Variants in TREML4 observed in about 807,000 individuals in gnomAD.
The protein encoded by TREML4 is trem-like transcript 4 protein.
In TREML4, 25 loss-of-function variants were observed where a neutral mutation model predicts 25.4. That is an observed-to-expected ratio of 0.98 (90% CI 0.72 to 1.37). TREML4 has a LOEUF of 1.37. TREML4 is among the 40% of genes most tolerant of loss of function. The pLI is 0.00. For synonymous variants in TREML4, 92 were observed against 87.9 expected (o/e 1.05, Z -0.26); for missense variants, 268 against 236.5 (o/e 1.13, Z -0.87).
chr6:41,233,407 T>C (rs903874400), intron 4 of TREML4, among the ~76,000 whole-genome samples: 8 of 152,176 alleles, frequency 5.3e-5, no homozygotes, highest in South Asian at 2.1e-4. Context: ...TATATTTGAC[T>C]ATTAGGAAAC....
chr6:41,229,931 T>C, intron 3 of TREML4, 131 bp from the exon 4 acceptor site: 2 of 768,750 alleles, frequency 2.6e-6, no homozygotes, highest in Non-Finnish European at 4.6e-6. Flanking sequence ...AGGCCTCAGT[T>C]ACCCTTAGCC....
intron 4 of TREML4, among the ~76,000 whole-genome samples, chr6:41,234,987 C>A (rs1250679566): frequency 6.6e-6 from 1 of 151,944 alleles, no homozygotes; most frequent in Non-Finnish European, 1.5e-5. Flanking sequence ...CATTAGCTAA[C>A]TGAATTCAAG....
intron 4 of TREML4, among the ~76,000 whole-genome samples, chr6:41,233,225 T>A (rs1766835091): frequency 6.6e-6 from 1 of 151,358 alleles, no homozygotes; most frequent in Admixed American, 6.6e-5. Context: ...ATGGAAAAAA[T>A]GAAATAAAAA....
In TREML4 at chr6:41,228,905, C is replaced by G. The variant is rs1238791758; in HGVS notation, c.255C>G (p.Asp85Glu). 5 of 1,614,066 alleles carry G rather than the reference C, an allele frequency of 3.1e-6. No homozygotes were observed. The Admixed American group carries it at 5.0e-5, about 16-fold the overall frequency. ...AGAAGTCTCATTACACAATCTGGGA[C>G]AAGCCCAATGCTGGCTTCTTCAACA... is the stretch of plus-strand genomic sequence containing the variant. Reference protein sequence around the residue: ...AVQKSHYTIWDKPNAGFFNIT... With the variant: ...AVQKSHYTIWEKPNAGFFNIT... The change falls in exon 2 of 6, where the codon GAC (aspartate) becomes GAG (glutamate). Residue 85 changes from aspartate to glutamate, a missense_variant. Asp to Glu is a conservative substitution (Grantham distance 45). Transcript: ENST00000341495.
At chr6:41,236,412 C>G in intron 4 of TREML4, 74 bp from the exon 5 acceptor site, 1 of 1,339,944 alleles carries the variant, frequency 7.5e-7, no homozygotes, top group East Asian at 2.3e-5. Flanking sequence ...AGGGGCCTGC[C>G]TGGCTTAGGG....
At chr6:41,229,867 G>A (rs748360961) in intron 3 of TREML4, among the ~76,000 whole-genome samples, 195 bp from the exon 4 acceptor site, 20 of 152,228 alleles carry the variant, frequency 1.3e-4, no homozygotes, top group Admixed American at 2.0e-4. Flanking sequence ...CTGTCCTCCC[G>A]CCAGCATGGA....
At chr6:41,234,418 A>G (rs1310287435) in intron 4 of TREML4, among the ~76,000 whole-genome samples, 1 of 152,034 alleles carries the variant, frequency 6.6e-6, no homozygotes, top group Non-Finnish European at 1.5e-5. Context: ...GAGCAAACCC[A>G]AAGAATCATA....
At chr6:41,235,354 T>C (rs1467719452) in intron 4 of TREML4, among the ~76,000 whole-genome samples, 1 of 152,104 alleles carries the variant, frequency 6.6e-6, no homozygotes, top group Non-Finnish European at 1.5e-5. Context: ...GGAAAACAGG[T>C]TACATGAAAG....
rs1360448934 is a variant in TREML4 at position 41,228,972 on chromosome 6, T to C, written c.322T>C (p.Trp108Arg). ...GACACAGAATGACTCGGGATTCTAC[T>C]GGTGTGGAATCTACAACGCTTCCGA... ...QLTQNDSGFY[W>R]CGIYNASENI... Residue 108 changes from tryptophan to arginine, a missense_variant, in exon 2 of 6, where the codon TGG (tryptophan) becomes CGG (arginine). Trp to Arg is a moderately radical substitution (Grantham distance 101, BLOSUM62 -3). Transcript: ENST00000341495. 1.9e-6 allele frequency: 3 copies of C among 1,614,058 alleles called. No homozygotes were observed. Among genetic ancestry groups the C allele is most frequent in the Non-Finnish European group, 2.5e-6 (3 of 1,179,900 alleles).
rs1165198157 is a variant in TREML4, at chr6:41,237,897, G to A, written c.*878G>A. ...AGTTGAACTAACAATAAATGATGGT[G>A]GGTGAAAGATAAATGTTTTAGGGAA... On this transcript the variant is annotated 3_prime_UTR_variant, in exon 6 of 6. Transcript: ENST00000341495. 2.0e-5 allele frequency: 3 copies of A among 152,178 alleles called. No homozygotes were observed. Among genetic ancestry groups the A allele is most frequent in the Admixed American group, 6.5e-5 (1 of 15,292 alleles). The allele number at this position is 152,178 out of a possible 1,614,324, so 9.4% of individuals were successfully genotyped here.
At position 41,228,435 on chromosome 6, in the gene TREML4, G is replaced by A. The variant is rs777783989; in HGVS notation, c.8G>A (p.Trp3Ter). The A allele has an allele frequency of 1.2e-6, 2 of 1,611,494 alleles. No homozygotes were observed. The highest frequency in any genetic ancestry group is 8.5e-7 in the Non-Finnish European group (1 of 1,178,954). The change falls in exon 1 of 6, where the codon TGG becomes TAG. Residue 3 changes from tryptophan to a stop codon, truncating the protein, a stop_gained. Transcript: ENST00000341495. LOFTEE classifies it high-confidence loss of function. The stretch of plus-strand genomic sequence containing the variant: ...AAACAGATCTGGGCTGGAATGGCCT[G>A]GGGTGGGGTCCACACCTGCTGCTTC... The part of the protein sequence containing the change: MA[W>*]GGVHTCCFHL...
chr6:41,229,687 GC>G, intron 3 of TREML4, 116 bp downstream of exon 3: 2 of 1,145,544 alleles, frequency 1.7e-6, no homozygotes, highest in Non-Finnish European at 2.6e-6. Flanking sequence ...ATCTCTTGGG[GC>G]CTGGGCTTGT....
chr6:41,229,591 G>A lies in TREML4; in HGVS notation c.445+20G>A, dbSNP rs758996496. ...GCACAGGTAGGTTGGAGGCCTCGGT[G>A]GGGGAAGATTAGAAGGGTCACCAGG... On this transcript the variant is annotated intron_variant, in intron 3 of 5. Coordinates refer to ENST00000341495, the MANE Select transcript of TREML4 (RefSeq NM_198153.3). The A allele has an allele frequency of 6.2e-7, 1 of 1,613,318 alleles. No homozygotes were observed. The highest frequency in any genetic ancestry group is 8.5e-7 in the Non-Finnish European group (1 of 1,179,546).
chr6:41,234,034 A>G (rs1422786143), intron 4 of TREML4, among the ~76,000 whole-genome samples: 1 of 151,788 alleles, frequency 6.6e-6, no homozygotes, highest in East Asian at 1.9e-4. Context: ...AAAAACAGAT[A>G]GTATAGATTC....
intron 4 of TREML4, among the ~76,000 whole-genome samples, chr6:41,233,800 A>G (rs1057307957): frequency 1.7e-4 from 25 of 151,384 alleles, no homozygotes; most frequent in African/African-American, 5.8e-4. Context: ...TTAGGTATTT[A>G]TAATAATATA....
Position 41,236,567 on chromosome 6 carries a change from G to T in TREML4, c.588G>T (p.Lys196Asn). The change falls in exon 5 of 6, where the codon AAG becomes AAT. Residue 196 changes from lysine to asparagine, a missense_variant. Lys to Asn is a moderately conservative substitution (Grantham distance 94). Coordinates refer to ENST00000341495, the MANE Select transcript of TREML4 (RefSeq NM_198153.3). The part of the protein sequence containing the change: ...VLVLCGLLLA[K>N]GLML ...TGCTATGTGGACTCCTCCTGGCCAAGGGCCTGATGTTGTGAGTCCTGTTAG... is the reference window on the plus strand; with the variant it reads ...TGCTATGTGGACTCCTCCTGGCCAATGGCCTGATGTTGTGAGTCCTGTTAG... 6.2e-7 allele frequency: 1 copy of T among 1,614,006 alleles called. No homozygotes were observed. Among genetic ancestry groups the T allele is most frequent in the Non-Finnish European group, 8.5e-7 (1 of 1,179,882 alleles).
Position 41,228,752 on chromosome 6 carries a change from G to C in TREML4, c.102G>C (p.Gln34His). The C allele has an allele frequency of 6.2e-7, 1 of 1,614,060 alleles. No homozygotes were observed. Among genetic ancestry groups the C allele is most frequent in the Non-Finnish European group, 8.5e-7 (1 of 1,180,002 alleles). The part of the protein sequence containing the change: ...VPEELHKHPG[Q>H]TLLLQCQYSP... ...AAGAACTTCACAAACACCCAGGACA[G>C]ACCCTCCTCCTGCAATGCCAGTACT... Residue 34 changes from glutamine (Q) to histidine (H), a missense_variant, in exon 2 of 6, where the codon CAG (glutamine) becomes CAC (histidine). Transcript: ENST00000341495.
chr6:41,232,452 T>G (rs887814540), intron 4 of TREML4: 1 of 307,646 alleles, frequency 3.3e-6, no homozygotes. Flanking sequence ...TCCCCAACCT[T>G]TATGGCACCA....
intron 4 of TREML4, among the ~76,000 whole-genome samples, chr6:41,230,501 A>G (rs559586236): frequency 1.1e-4 from 17 of 152,274 alleles, no homozygotes; most frequent in Admixed American, 4.6e-4. Context: ...TGAGAGGCAT[A>G]CTGTTAAATT....
Sources: allele counts gnomAD v4.1 joint callset (sites outside exome capture counted in the v4.1 genomes callset), GRCh38; gene constraint gnomAD v4.1.1; transcripts MANE v1.5; gene names NCBI Gene and HGNC (gene_info 2026-07-23, HGNC 2026-07-21).